ABTB3: variants seen among roughly 807,000 people sequenced by gnomAD.
The protein encoded by ABTB3 is ankyrin repeat- and BTB/POZ domain-containing protein 3.
the ABTB3 span, among the ~76,000 whole-genome samples, chr12:107,389,834 ATGTGTGTG>A: frequency 9.8e-6 from 1 of 101,854 alleles, no homozygotes; most frequent in Non-Finnish European, 1.9e-5. Flanking sequence ...ATGCTGGGGC[ATGTGTGTG>A]TGTTTGTGTG....
At chr12:107,628,212 C>T in the ABTB3 span, among the ~76,000 whole-genome samples, 3 of 152,316 alleles carry the variant, frequency 2.0e-5, no homozygotes, top group African/African-American at 7.2e-5. Context: ...GCGATCTCCA[C>T]TCACTGCAAC....
chr12:107,409,192 G>T, the ABTB3 span, among the ~76,000 whole-genome samples: 366 of 152,328 alleles, frequency 2.4e-3, 3 homozygotes, highest in African/African-American at 8.2e-3. Flanking sequence ...CTGTGAGAGA[G>T]CCCAGGCCCC....
At chr12:107,597,083 C>T in the ABTB3 span, among the ~76,000 whole-genome samples, 1 of 152,298 alleles carries the variant, frequency 6.6e-6, no homozygotes, top group African/African-American at 2.4e-5. Flanking sequence ...TTTTTTAATG[C>T]CCTGTGGGCC....
At chr12:107,654,374 CTG>C in the ABTB3 span, among the ~76,000 whole-genome samples, 1 of 152,188 alleles carries the variant, frequency 6.6e-6, no homozygotes, top group Non-Finnish European at 1.5e-5. Flanking sequence ...TCTCAGCTCA[CTG>C]TAACCTTTGC....
chr12:107,345,588 A>G, the ABTB3 span, among the ~76,000 whole-genome samples: 1 of 152,210 alleles, frequency 6.6e-6, no homozygotes, highest in African/African-American at 2.4e-5. Context: ...GGCTTGGGCC[A>G]GATAGGACAC....
At chr12:107,476,496 C>G in the ABTB3 span, among the ~76,000 whole-genome samples, 1 of 151,990 alleles carries the variant, frequency 6.6e-6, no homozygotes, top group Non-Finnish European at 1.5e-5. Flanking sequence ...TCGGTTTTGC[C>G]ATCTTCAAAA....
the ABTB3 span, among the ~76,000 whole-genome samples, chr12:107,637,344 A>G: frequency 1.3e-5 from 2 of 152,166 alleles, no homozygotes; most frequent in Non-Finnish European, 2.9e-5. Flanking sequence ...GTGAACCAAG[A>G]TTATGCCACT....
the ABTB3 span, among the ~76,000 whole-genome samples, chr12:107,622,727 G>GA: frequency 6.6e-6 from 1 of 152,204 alleles, no homozygotes; most frequent in African/African-American, 2.4e-5. Flanking sequence ...TCCCACCTCA[G>GA]CCTCCCCAGG....
At chr12:107,522,038 T>A in the ABTB3 span, among the ~76,000 whole-genome samples, 1 of 151,990 alleles carries the variant, frequency 6.6e-6, no homozygotes, top group East Asian at 1.9e-4. Flanking sequence ...GGCAGACAAT[T>A]CAGTTCCTGG....
chr12:107,510,584 G>A, the ABTB3 span, among the ~76,000 whole-genome samples: 5 of 152,096 alleles, frequency 3.3e-5, no homozygotes, highest in Non-Finnish European at 7.4e-5. Flanking sequence ...ATGGGAGAGC[G>A]ATGCAGGGTG....
chr12:107,635,206 G>A, the ABTB3 span: 5 of 1,259,350 alleles, frequency 4.0e-6, no homozygotes, highest in African/African-American at 7.4e-5. Context: ...ATCACCTGGA[G>A]GGACGCATTC....
the ABTB3 span, among the ~76,000 whole-genome samples, chr12:107,494,254 T>C: frequency 6.6e-6 from 1 of 152,078 alleles, no homozygotes; most frequent in Non-Finnish European, 1.5e-5. Flanking sequence ...GGCTCCCAGG[T>C]CAGCAGTTGG....
the ABTB3 span, among the ~76,000 whole-genome samples, chr12:107,521,189 G>T: frequency 6.6e-6 from 1 of 151,852 alleles, no homozygotes; most frequent in East Asian, 1.9e-4. Flanking sequence ...TTGGCTACAA[G>T]GATCAATAAA....
At chr12:107,384,756 C>G in the ABTB3 span, among the ~76,000 whole-genome samples, 6 of 152,180 alleles carry the variant, frequency 3.9e-5, no homozygotes, top group Admixed American at 6.5e-5. Flanking sequence ...TTGAGAGAGG[C>G]CTTCCTTAGG....
At chr12:107,619,278 C>G in the ABTB3 span, among the ~76,000 whole-genome samples, 2 of 152,170 alleles carry the variant, frequency 1.3e-5, no homozygotes, top group Non-Finnish European at 2.9e-5. Flanking sequence ...ACGTCCTCCT[C>G]TGTCTGTGCC....
chr12:107,610,479 T>C, the ABTB3 span: 24 of 1,059,936 alleles, frequency 2.3e-5, 1 homozygote, highest in East Asian at 3.4e-4. Context: ...TACTGACGGC[T>C]TAGATTGCTT....
chr12:107,601,648 G>A, the ABTB3 span, among the ~76,000 whole-genome samples: 1 of 152,126 alleles, frequency 6.6e-6, no homozygotes, highest in Non-Finnish European at 1.5e-5. Context: ...AGACTGCTGG[G>A]TTCAAATCCT....
the ABTB3 span, among the ~76,000 whole-genome samples, chr12:107,432,353 C>A: frequency 6.6e-6 from 1 of 152,168 alleles, no homozygotes; most frequent in East Asian, 1.9e-4. Context: ...TACATTTTTA[C>A]CTCTCCAGGT....
the ABTB3 span, among the ~76,000 whole-genome samples, chr12:107,357,704 C>A: frequency 6.6e-6 from 1 of 152,224 alleles, no homozygotes. Context: ...GCTAAAATAT[C>A]CTTTCTTTCA....
Sources: allele counts gnomAD v4.1 joint callset (sites outside exome capture counted in the v4.1 genomes callset), GRCh38; gene constraint gnomAD v4.1.1; transcripts MANE v1.5; gene names NCBI Gene and HGNC (gene_info 2026-07-23, HGNC 2026-07-21).